CNTN1: variants seen among roughly 807,000 people sequenced by gnomAD.
CNTN1 encodes the protein contactin 1.
A neutral mutation model predicts 126.4 loss-of-function variants in CNTN1; 38 were observed. The ratio of observed to expected loss-of-function variants is 0.30; its 90% CI spans 0.23 to 0.39. The LOEUF (loss-of-function observed/expected upper bound fraction) is 0.39. Among genes scored for constraint, CNTN1 ranks in the 10% least tolerant of loss-of-function variants. CNTN1 has a pLI of 1.00. For synonymous variants in CNTN1, 413 were observed against 422.6 expected, an observed-to-expected ratio of 0.98 and a Z score of 0.28; for missense variants, 1,009 against 1,248.4, an observed-to-expected ratio of 0.81 and a Z score of 2.89.
intron 1 of CNTN1, among the ~76,000 whole-genome samples, chr12:40,821,371 A>G (rs1158310257): frequency 1.3e-5 from 2 of 152,226 alleles, no homozygotes; most frequent in Non-Finnish European, 2.9e-5. Context: ...GCATTTAGTC[A>G]CTTAAAAAGA....
At chr12:40,933,967 A>T (rs1945989059) in intron 9 of CNTN1, 89 bp downstream of exon 9, 2 of 995,082 alleles carry the variant, frequency 2.0e-6, no homozygotes, top group South Asian at 2.9e-5. Context: ...TATAATGATT[A>T]ATGGTTTTAA....
intron 14 of CNTN1, among the ~76,000 whole-genome samples, chr12:40,956,486 T>C (rs1469728164): frequency 6.6e-6 from 1 of 152,036 alleles, no homozygotes; most frequent in African/African-American, 2.4e-5. Context: ...GAAAATGATT[T>C]CAACTGGTAT....
chr12:40,792,552 C>T (rs1940259080), intron 1 of CNTN1, among the ~76,000 whole-genome samples: 1 of 151,884 alleles, frequency 6.6e-6, no homozygotes, highest in Non-Finnish European at 1.5e-5. Flanking sequence ...AACCACAGCA[C>T]TAAAATAATA....
chr12:40,941,171 C>G (rs1423124838), intron 12 of CNTN1, among the ~76,000 whole-genome samples: 2 of 152,086 alleles, frequency 1.3e-5, no homozygotes, highest in South Asian at 4.1e-4. Context: ...ATTTTTAAAG[C>G]CTTTGAAATC....
intron 1 of CNTN1, among the ~76,000 whole-genome samples, chr12:40,823,779 T>G (rs1941524719): frequency 6.6e-6 from 1 of 152,158 alleles, no homozygotes; most frequent in Non-Finnish European, 1.5e-5. Flanking sequence ...ACAGACTCAT[T>G]ATCCAATAGA....
At chr12:40,888,084 C>T (rs916467992) in intron 1 of CNTN1, among the ~76,000 whole-genome samples, 1 of 151,686 alleles carries the variant, frequency 6.6e-6, no homozygotes, top group African/African-American at 2.4e-5. Context: ...TTAATGGGTG[C>T]AGTACACCAA....
At chr12:40,975,462 A>T (rs998549121) in intron 15 of CNTN1, among the ~76,000 whole-genome samples, 1 of 151,918 alleles carries the variant, frequency 6.6e-6, no homozygotes, top group Non-Finnish European at 1.5e-5. Context: ...AGGTCTCAGT[A>T]GCTGTTCGTA....
intron 1 of CNTN1, among the ~76,000 whole-genome samples, chr12:40,755,593 C>A (rs1938577902): frequency 6.6e-6 from 1 of 151,924 alleles, no homozygotes; most frequent in Non-Finnish European, 1.5e-5. Flanking sequence ...GTGTTACAAT[C>A]CCAACTACTT....
chr12:40,823,083 C>T lies in CNTN1; in HGVS notation c.-76-85274C>T, dbSNP rs1031765169. Reference sequence around the variant, plus strand: ...ATATGTATGTATGTATACACACAAACATATCCACACATATATACAATAATA... The same window carrying T: ...ATATGTATGTATGTATACACACAAATATATCCACACATATATACAATAATA... On this transcript the variant is annotated intron_variant, in intron 1 of 23. Transcript: ENST00000551295. Among the ~76,000 whole-genome samples the T allele has an allele frequency of 8.5e-5, 13 of 152,230 alleles. No individual in the cohort carries two copies. The South Asian group carries it at 1.0e-3, about 12-fold the overall frequency.
intron 1 of CNTN1, among the ~76,000 whole-genome samples, chr12:40,850,175 A>G (rs764631160): frequency 1.3e-5 from 2 of 151,980 alleles, no homozygotes; most frequent in Non-Finnish European, 2.9e-5. Flanking sequence ...TTTTTCCTGA[A>G]CTCTCCTTCC....
At chr12:40,984,316 T>C (rs1947899444) in intron 16 of CNTN1, among the ~76,000 whole-genome samples, 1 of 152,156 alleles carries the variant, frequency 6.6e-6, no homozygotes, top group Non-Finnish European at 1.5e-5. Flanking sequence ...TGTCTAAGTC[T>C]ATTTTGCATT....
intron 1 of CNTN1, among the ~76,000 whole-genome samples, chr12:40,780,002 G>A (rs1223735297): frequency 2.0e-5 from 3 of 151,932 alleles, no homozygotes. Flanking sequence ...TTGGATTATA[G>A]TGAGGATTCC....
chr12:41,071,128 T>G lies in CNTN1; in HGVS notation c.*1093T>G, dbSNP rs1170439909. ...ATTAGTTTTAAGCTCATTTCCCACT[T>G]CAATGCAATACTGAAAACTGGCTAA... On this transcript the variant is annotated 3_prime_UTR_variant, in exon 24 of 24. Transcript: ENST00000551295. The G allele has an allele frequency of 6.6e-6, 1 of 152,004 alleles. No individual in the cohort carries two copies. Among genetic ancestry groups the G allele is most frequent in the Non-Finnish European group, 1.5e-5 (1 of 67,978 alleles). 9.4% of individuals were successfully genotyped at this position (152,004 alleles called of 1,614,324 possible).
chr12:40,897,750 G>A (rs547387502), intron 1 of CNTN1, among the ~76,000 whole-genome samples: 37 of 152,250 alleles, frequency 2.4e-4, no homozygotes, highest in Non-Finnish European at 4.7e-4. Context: ...CCAGGTTAAG[G>A]TAGCCCCGTA....
chr12:40,693,187 G>A (rs1384388770), intron 1 of CNTN1, among the ~76,000 whole-genome samples: 2 of 152,212 alleles, frequency 1.3e-5, no homozygotes, highest in East Asian at 3.9e-4. Context: ...GGCACGTTCC[G>A]ATTAATTACG....
chr12:41,070,090 T>G lies in CNTN1; in HGVS notation c.*55T>G. On this transcript the variant is annotated 3_prime_UTR_variant, in exon 24 of 24. Transcript: ENST00000551295. ...CAGCTCAGAAGACACCCTTCAACCC[T>G]GGGATGACCACAATTCCTTCCAATT... 2 of 1,473,582 alleles carry G rather than the reference T, an allele frequency of 1.4e-6. No homozygotes were observed. Among genetic ancestry groups the G allele is most frequent in the Non-Finnish European group, 9.5e-7 (1 of 1,053,076 alleles). The allele number at this position is 1,473,582 out of a possible 1,614,324, so 91.3% of individuals were successfully genotyped here. A position where few individuals can be genotyped will look rare whatever the true frequency, so the allele number is the denominator to read the frequency against.
At chr12:40,901,609 T>C (rs1459888757) in intron 1 of CNTN1, among the ~76,000 whole-genome samples, 1 of 152,236 alleles carries the variant, frequency 6.6e-6, no homozygotes, top group Non-Finnish European at 1.5e-5. Context: ...ATTGCTCCTC[T>C]TTCATGTATA....
chr12:41,019,014 G>A (rs1489790933), intron 19 of CNTN1, among the ~76,000 whole-genome samples: 8 of 152,056 alleles, frequency 5.3e-5, no homozygotes, highest in Admixed American at 3.9e-4. Context: ...AAATTAGCCA[G>A]GTGTTGTGGC....
chr12:41,013,395 G>A (rs1408641025), intron 17 of CNTN1, among the ~76,000 whole-genome samples: 1 of 152,118 alleles, frequency 6.6e-6, no homozygotes, highest in Non-Finnish European at 1.5e-5. Flanking sequence ...CTTAGAAAAT[G>A]ATTTGGGGCT....
Sources: gnomAD v4.1 joint callset for allele counts (sites outside exome capture counted in the v4.1 genomes callset) on GRCh38, gnomAD v4.1.1 for gene constraint, MANE v1.5 for transcripts, NCBI Gene and HGNC (gene_info 2026-07-23, HGNC 2026-07-21) for gene names.